The following ANKRD55 variants were observed in gnomAD, a reference collection of about 807,000 sequenced individuals.
ANKRD55 encodes ankyrin repeat domain 55.
In ANKRD55, 41 loss-of-function variants were observed where a neutral mutation model predicts 60.6. The ratio of observed to expected loss-of-function variants is 0.68; its 90% CI spans 0.53 to 0.88. The LOEUF (loss-of-function observed/expected upper bound fraction) is 0.88. Among genes scored for constraint, ANKRD55 ranks in the 40% least tolerant of loss-of-function variants. The pLI is 0.00. For missense variants in ANKRD55, 732 were observed against 767.6 expected, an observed-to-expected ratio of 0.95 and a Z score of 0.55; for synonymous variants, 264 against 290.3, an observed-to-expected ratio of 0.91 and a Z score of 0.92.
At chr5:56,113,366 C>G (rs1756793245) in intron 9 of ANKRD55, among the ~76,000 whole-genome samples, 1 of 152,058 alleles carries the variant, frequency 6.6e-6, no homozygotes, top group African/African-American at 2.4e-5. Flanking sequence ...AAAAAAAAGT[C>G]CTTTAACTTA....
chr5:56,127,153 C>G, intron 7 of ANKRD55, 47 bp from the exon 8 acceptor site: 1 of 1,464,262 alleles, frequency 6.8e-7, no homozygotes, highest in East Asian at 2.5e-5. Context: ...ATCCAGTGTT[C>G]TTCTCTGTCT....
At chr5:56,179,363 A>C (rs1758808441) in intron 3 of ANKRD55, among the ~76,000 whole-genome samples, 1 of 152,318 alleles carries the variant, frequency 6.6e-6, no homozygotes, top group Admixed American at 6.5e-5. Flanking sequence ...AAGCACAAAA[A>C]CAGAAAAAGG....
At chr5:56,229,048 G>A (rs1372555673) in intron 2 of ANKRD55, among the ~76,000 whole-genome samples, 6 of 149,642 alleles carry the variant, frequency 4.0e-5, no homozygotes, top group Non-Finnish European at 7.4e-5. Context: ...AGTGGGTGAG[G>A]CCCTGAGGCT....
At chr5:56,149,540 CA>C (rs896966574) in intron 6 of ANKRD55, among the ~76,000 whole-genome samples, 7 of 151,956 alleles carry the variant, frequency 4.6e-5, no homozygotes, top group Non-Finnish European at 8.8e-5. Flanking sequence ...TAATTTTCAA[CA>C]AAAAAAGAAC....
chr5:56,169,314 G>A (rs1257722782), intron 5 of ANKRD55, among the ~76,000 whole-genome samples: 2 of 152,160 alleles, frequency 1.3e-5, no homozygotes, highest in East Asian at 1.9e-4. Flanking sequence ...AAGCAATTAC[G>A]TAGAGTAAAT....
Position 56,111,280 on chromosome 5 carries a change from G to C in ANKRD55, c.1468C>G (p.Leu490Val). 6.2e-7 allele frequency: 1 copy of C among 1,614,180 alleles called. No individual in the cohort carries two copies. Among genetic ancestry groups the C allele is most frequent in the Non-Finnish European group, 8.5e-7 (1 of 1,180,040 alleles). The part of the protein sequence containing the change: ...LNNRTGCQML[L>V]DNPWKSDSNQ... Reference sequence around the variant, plus strand: ...GAATCACTCTTCCAGGGGTTATCTAGTAACATCTGGCAGCCAGTTCTGTTA... The same window carrying C: ...GAATCACTCTTCCAGGGGTTATCTACTAACATCTGGCAGCCAGTTCTGTTA... Residue 490 changes from leucine to valine, a missense_variant, in exon 10 of 12, where the codon CTA (leucine) becomes GTA (valine). Leu to Val is a conservative substitution (Grantham distance 32). Transcript: ENST00000341048.
chr5:56,162,180 T>TC, intron 5 of ANKRD55: 1 of 267,934 alleles, frequency 3.7e-6, no homozygotes, highest in Non-Finnish European at 5.7e-6. Context: ...CCAGACAGGA[T>TC]CTTCTGGGGC....
intron 9 of ANKRD55, among the ~76,000 whole-genome samples, chr5:56,115,208 TAATAATAATAAATA>T (rs1476408033): frequency 1.5e-5 from 1 of 68,632 alleles, no homozygotes; most frequent in Non-Finnish European, 3.3e-5. Context: ...CTAAAAATAA[TAATAATAATAAATA>T]AATAAATAAA....
At chr5:56,120,414 T>G (rs990825029) in intron 8 of ANKRD55, among the ~76,000 whole-genome samples, 1 of 152,192 alleles carries the variant, frequency 6.6e-6, no homozygotes, top group Non-Finnish European at 1.5e-5. Flanking sequence ...TTTCCCCTAT[T>G]TAAGGGGATG....
chr5:56,202,542 T>C (rs1231962664), intron 2 of ANKRD55, among the ~76,000 whole-genome samples: 1 of 152,230 alleles, frequency 6.6e-6, no homozygotes, highest in Non-Finnish European at 1.5e-5. Context: ...GTCAGTCATA[T>C]GAGAAGAAGA....
chr5:56,159,882 A>G lies in ANKRD55; in HGVS notation c.434T>C (p.Val145Ala). The G allele has an allele frequency of 1.2e-6, 2 of 1,613,734 alleles. No individual in the cohort carries two copies. The highest frequency in any genetic ancestry group is 1.7e-6 in the Non-Finnish European group (2 of 1,179,704). The change falls in exon 6 of 12, where the codon GTC (valine) becomes GCC (alanine). Residue 145 changes from valine to alanine, a missense_variant. Val to Ala is a moderately conservative substitution (Grantham distance 64). Transcript: ENST00000341048. ...TAEPDMRLLTVLLQQSNISEI... is the reference protein window; with the variant it reads ...TAEPDMRLLTALLQQSNISEI... ...GCTGATGTTCGACTGTTGCAACAGG[A>G]CCGTGAGGAGCCTGTAAGGAAAAAA...
chr5:56,141,566 T>C (rs1339077969), intron 7 of ANKRD55, among the ~76,000 whole-genome samples: 1 of 152,188 alleles, frequency 6.6e-6, no homozygotes, highest in Non-Finnish European at 1.5e-5. Flanking sequence ...TGACATTTAG[T>C]AGAGACAAAG....
At chr5:56,139,817 A>G (rs1247069593) in intron 7 of ANKRD55, among the ~76,000 whole-genome samples, 2 of 152,138 alleles carry the variant, frequency 1.3e-5, no homozygotes, top group African/African-American at 4.8e-5. Flanking sequence ...TCATGCCTGT[A>G]ATCCCGACAC....
chr5:56,173,835 C>G (rs558174188), intron 4 of ANKRD55, among the ~76,000 whole-genome samples: 2 of 152,032 alleles, frequency 1.3e-5, no homozygotes, highest in South Asian at 4.1e-4. Context: ...CGTGAGCCAC[C>G]GTGCCTGGCC....
At chr5:56,176,965 C>T (rs377352439) in intron 3 of ANKRD55, among the ~76,000 whole-genome samples, 2 of 152,120 alleles carry the variant, frequency 1.3e-5, no homozygotes, top group East Asian at 1.9e-4. Context: ...CTTGCCCAGT[C>T]GAGACTTGTG....
chr5:56,211,358 A>T (rs1581024757), intron 2 of ANKRD55, among the ~76,000 whole-genome samples: 1 of 152,196 alleles, frequency 6.6e-6, no homozygotes, highest in Admixed American at 6.5e-5. Flanking sequence ...ATCTCACTGT[A>T]TGCCCAGCAC....
At chr5:56,206,267 G>A (rs376215221) in intron 2 of ANKRD55, among the ~76,000 whole-genome samples, 54 of 152,178 alleles carry the variant, frequency 3.5e-4, no homozygotes, top group African/African-American at 1.1e-3. Context: ...ATGAGCCACC[G>A]CTTCTGGCCT....
chr5:56,153,445 G>A (rs1041303070), intron 6 of ANKRD55, among the ~76,000 whole-genome samples: 4 of 152,230 alleles, frequency 2.6e-5, no homozygotes, highest in Non-Finnish European at 4.4e-5. Flanking sequence ...TGGTGTTTAT[G>A]ATGGTGAAAA....
At chr5:56,159,998 T>A in intron 5 of ANKRD55, 105 bp from the exon 6 acceptor site, 1 of 933,998 alleles carries the variant, frequency 1.1e-6, no homozygotes, top group Non-Finnish European at 1.7e-6. Flanking sequence ...GTTGAAAGAC[T>A]CCAAATGAAG....
Sources: gnomAD v4.1 joint callset for allele counts (sites outside exome capture counted in the v4.1 genomes callset) on GRCh38, gnomAD v4.1.1 for gene constraint, MANE v1.5 for transcripts, NCBI Gene and HGNC (gene_info 2026-07-23, HGNC 2026-07-21) for gene names.